MCFD2: variants seen among roughly 807,000 people sequenced by gnomAD.
MCFD2 encodes the protein multiple coagulation factor deficiency protein 2.
In MCFD2, 11 loss-of-function variants were observed where a neutral mutation model predicts 12.8. The ratio of observed to expected loss-of-function variants is 0.86; its 90% CI spans 0.54 to 1.42. The LOEUF (loss-of-function observed/expected upper bound fraction) is 1.42, where lower values mean the gene tolerates loss of function less well. MCFD2 is among the 40% of genes most tolerant of loss of function. MCFD2 has a pLI of 0.00. For synonymous variants in MCFD2, 70 were observed against 68.1 expected (o/e 1.03, Z -0.14); for missense variants, 191 against 178.6 (o/e 1.07, Z -0.40).
upstream of MCFD2, among the ~76,000 whole-genome samples, chr2:46,919,644 T>A (rs1668995407): frequency 6.6e-6 from 1 of 152,242 alleles, no homozygotes; most frequent in Non-Finnish European, 1.5e-5. Flanking sequence ...ATCTCAAGCC[T>A]GGTTAACAAC....
At chr2:46,913,384 A>G (rs1254171182) in intron 1 of MCFD2, among the ~76,000 whole-genome samples, 2 of 151,562 alleles carry the variant, frequency 1.3e-5, no homozygotes, top group South Asian at 2.1e-4. Flanking sequence ...TCCCTCTCTA[A>G]TTAGAAAAAG....
chr2:46,935,920 G>A (rs1425375216), intron 1 of MCFD2, among the ~76,000 whole-genome samples: 1 of 152,032 alleles, frequency 6.6e-6, no homozygotes, highest in African/African-American at 2.4e-5. Context: ...GCAAGATTCA[G>A]TCTCTTAAAA....
At chr2:46,930,356 C>T (rs1026462933) in intron 1 of MCFD2, among the ~76,000 whole-genome samples, 7 of 149,872 alleles carry the variant, frequency 4.7e-5, no homozygotes, top group South Asian at 4.2e-4. Context: ...ATAAATTCTA[C>T]GAACACTTAA....
intron 1 of MCFD2, among the ~76,000 whole-genome samples, chr2:46,930,794 C>A (rs1279511852): frequency 2.0e-5 from 3 of 152,094 alleles, no homozygotes; most frequent in African/African-American, 7.2e-5. Context: ...GCCACCGCAC[C>A]CAGCCTGAAG....
chr2:46,906,445 G>A (rs1211858498), intron 3 of MCFD2, among the ~76,000 whole-genome samples: 1 of 151,584 alleles, frequency 6.6e-6, no homozygotes, highest in African/African-American at 2.4e-5. Context: ...GTGGCAGAAG[G>A]GGAATGACAT....
rs1350508539 is a variant in MCFD2 at position 46,905,329 on chromosome 2, G to A, written c.*134C>T. ...TTCTCTTATCTCTTCTCACCCCAGT[G>A]TAACGAATCGCTACAGGTTTTTACC... is the stretch of plus-strand genomic sequence containing the variant. On this transcript the variant is annotated 3_prime_UTR_variant, in exon 4 of 4. Coordinates refer to ENST00000319466, the MANE Select transcript of MCFD2 (RefSeq NM_139279.6). The A allele has an allele frequency of 9.8e-6, 9 of 918,958 alleles. No individual in the cohort carries two copies. The highest frequency in any genetic ancestry group is 1.1e-5 in the Non-Finnish European group (6 of 558,966). The allele number at this position is 918,958 out of a possible 1,614,324, so 56.9% of individuals were successfully genotyped here.
chr2:46,907,940 A>T lies in MCFD2; in HGVS notation c.179T>A (p.Ile60Asn). The T allele has an allele frequency of 6.2e-7, 1 of 1,614,224 alleles. No individual in the cohort carries two copies. Among genetic ancestry groups the T allele is most frequent in the African/African-American group, 1.3e-5 (1 of 75,060 alleles). ...EHIMEHLEGV[I>N]NKPEAEMSPQ... ...CGACATCTCCGCCTCTGGTTTGTTG[A>T]TGACACCTTCTAGATGCTCCATGAT... The change falls in exon 3 of 4, where the codon ATC becomes AAC. Residue 60 changes from isoleucine to asparagine, a missense_variant. Ile to Asn is a moderately radical substitution (Grantham distance 149). Transcript: ENST00000319466. This position sits in a 1 kb window ranked among gnomAD's most constrained non-coding sequence, Gnocchi z 4.1.
chr2:46,933,021 A>G (rs993420853), intron 1 of MCFD2, among the ~76,000 whole-genome samples: 1 of 152,132 alleles, frequency 6.6e-6, no homozygotes, highest in East Asian at 1.9e-4. Context: ...AAACCAGACC[A>G]GCTAAGCTGC....
intron 1 of MCFD2, among the ~76,000 whole-genome samples, chr2:46,936,859 ATT>A (rs67502094): frequency 3.9e-4 from 56 of 142,786 alleles, no homozygotes; most frequent in African/African-American, 5.2e-4. Flanking sequence ...AGGATTCCAA[ATT>A]TTTTTTTTTT....
At chr2:46,916,183 T>G (rs1668780486), upstream of MCFD2, 4 of 983,538 alleles carry the variant, frequency 4.1e-6, no homozygotes, top group South Asian at 4.7e-5. Flanking sequence ...TTGGTTCAGG[T>G]CTCTTGGTTC....
chr2:46,911,206 C>T (rs1299912885), intron 1 of MCFD2, among the ~76,000 whole-genome samples: 1 of 152,086 alleles, frequency 6.6e-6, no homozygotes, highest in South Asian at 2.1e-4. Context: ...TGGCTCACTG[C>T]AACCTCCGCT....
At chr2:46,916,140 C>G, upstream of MCFD2, 1 of 985,540 alleles carries the variant, frequency 1.0e-6, no homozygotes, top group South Asian at 4.7e-5. Flanking sequence ...AAGCTGGCTC[C>G]CAACTCCGCT....
chr2:46,938,264 C>T lies in MCFD2; in HGVS notation c.-8+3308G>A, dbSNP rs180879296. ...CCCACAAGGAAACATTTCTCTAAAA[C>T]GTAAAGGACAACCTTACAAACTTGA... On this transcript the variant is annotated intron_variant, in intron 1 of 2. Coordinates refer to the MCFD2 transcript ENST00000409147. 7.2e-5 allele frequency among the ~76,000 whole-genome samples: 11 copies of T among 152,272 alleles called. No individual in the cohort carries two copies. The East Asian group carries it at 7.7e-4, about 11-fold the overall frequency.
rs148800120 is a variant in MCFD2 at position 46,932,581 on chromosome 2, AAGAAAG to A, written c.-8+8985_-8+8990del. On this transcript the variant is annotated intron_variant, in intron 1 of 2. Coordinates refer to the MCFD2 transcript ENST00000409147. Reference sequence around the variant, plus strand: ...TAAAAGAGAAGAAAAAGAGGAAGAAAAGAAAGAGAAAGAAAGATTAATATAGAAGCA... The same window carrying A: ...TAAAAGAGAAGAAAAAGAGGAAGAAAAGAAAGAAAGATTAATATAGAAGCA... Among the ~76,000 whole-genome samples the A allele has an allele frequency of 9.7e-3, 1,476 of 152,102 alleles. 30 individuals are homozygous for A. The highest frequency in any genetic ancestry group is 0.033 in the African/African-American group (1,382 of 41,494).
intron 1 of MCFD2, among the ~76,000 whole-genome samples, chr2:46,913,203 G>C (rs928381781): frequency 3.9e-5 from 6 of 152,170 alleles, no homozygotes; most frequent in Non-Finnish European, 7.3e-5. Context: ...TGCAACAAAA[G>C]CCAAATCGAT....
At position 46,914,554 on chromosome 2, in the gene MCFD2, C is replaced by T. The variant is rs115664385; in HGVS notation, c.-7+1169G>A. On this transcript the variant is annotated intron_variant, in intron 1 of 3. Transcript: ENST00000319466. ...TTAATAACTTGATCTATTTGTTCAT[C>T]TAGGGAGCCCAAGGAGCACCCATGC... 4.3e-3 allele frequency among the ~76,000 whole-genome samples: 656 copies of T among 152,308 alleles called. 4 individuals are homozygous for T. Among genetic ancestry groups the T allele is most frequent in the African/African-American group, 0.015 (633 of 41,560 alleles).
chr2:46,905,670 C>T, intron 3 of MCFD2, 76 bp from the exon 4 acceptor site: 1 of 937,764 alleles, frequency 1.1e-6, no homozygotes, highest in East Asian at 2.7e-5. Flanking sequence ...CCAAAATATC[C>T]ATGTTCTTTC....
In MCFD2 at chr2:46,902,702, A is replaced by G. The variant is rs193204253; in HGVS notation, c.*2761T>C. ...AATCTCAGACTCTGTGGCTAGGCTG[A>G]CATTCTTATGCTGTGGCTTTGAAAT... On this transcript the variant is annotated 3_prime_UTR_variant, in exon 4 of 4. Coordinates refer to ENST00000319466, the MANE Select transcript of MCFD2 (RefSeq NM_139279.6). The G allele has an allele frequency of 0.013, 1,962 of 152,650 alleles. 24 individuals carry two copies. The highest frequency in any genetic ancestry group is 0.017 in the Non-Finnish European group (1,179 of 68,036). 9.5% of individuals were successfully genotyped at this position (152,650 alleles called of 1,614,324 possible).
chr2:46,929,567 A>T (rs1249481180), intron 1 of MCFD2, among the ~76,000 whole-genome samples: 1 of 152,242 alleles, frequency 6.6e-6, no homozygotes, highest in East Asian at 1.9e-4. Flanking sequence ...AAATGTAAAA[A>T]AATTTTTGAA....
Sources: allele counts gnomAD v4.1 joint callset (sites outside exome capture counted in the v4.1 genomes callset), GRCh38; gene constraint gnomAD v4.1.1; non-coding constraint Gnocchi (gnomAD v3.1); transcripts MANE v1.5; gene names NCBI Gene and HGNC (gene_info 2026-07-23, HGNC 2026-07-21).